Variants in CFAP47 observed in about 807,000 individuals in gnomAD.
CFAP47 encodes the protein cilia- and flagella-associated protein 47.
A neutral mutation model predicts 148.1 loss-of-function variants in CFAP47; 29 were observed. That is an observed-to-expected ratio of 0.20 (90% CI 0.15 to 0.27). CFAP47 has a LOEUF of 0.27. Among genes scored for constraint, CFAP47 ranks in the 10% least tolerant of loss-of-function variants. The pLI is 1.00. For synonymous variants in CFAP47, 664 were observed against 577.3 expected (o/e 1.15, Z -2.15); for missense variants, 1,872 against 1,697.5 (o/e 1.10, Z -1.81).
chrX:35,920,038 T>C lies in CFAP47; in HGVS notation c.239T>C (p.Val80Ala). The C allele has an allele frequency of 1.7e-6, 2 of 1,189,403 alleles. No individual in the cohort carries two copies. The change falls in exon 1 of 64, where the codon GTC (valine) becomes GCC (alanine). Residue 80 changes from valine (V) to alanine (A), a missense_variant. Val to Ala is a moderately conservative substitution (Grantham distance 64). Coordinates refer to ENST00000378653, the MANE Select transcript of CFAP47 (RefSeq NM_001304548.2). The stretch of plus-strand genomic sequence containing the variant: ...CAGAAAATCCGATTTAAGGAGCCCG[T>C]CAAGCCACAGGTGACACACTAAGGG... ...WNQKIRFKEP[V>A]KPQFKLMLTS...
intron 51 of CFAP47, among the ~76,000 whole-genome samples, chrX:36,290,556 C>T (rs1053639457): frequency 7.1e-5 from 8 of 112,226 alleles, no homozygotes; most frequent in African/African-American, 2.3e-4. Flanking sequence ...ATGCTCCGTT[C>T]TCCTGGGTGT....
At chrX:36,063,501 C>T (rs190421213) in intron 26 of CFAP47, among the ~76,000 whole-genome samples, 1 of 111,393 alleles carries the variant, frequency 9.0e-6, no homozygotes, top group East Asian at 2.8e-4. Context: ...CTATTTTTTA[C>T]CATGAGGAAC....
intron 13 of CFAP47, among the ~76,000 whole-genome samples, chrX:35,973,132 T>C (rs1293851790): frequency 8.9e-6 from 1 of 112,390 alleles, no homozygotes; most frequent in East Asian, 2.8e-4. Context: ...TAGAGAAATG[T>C]CTATGTATGT....
chrX:36,226,645 G>T (rs1389922342), intron 45 of CFAP47, among the ~76,000 whole-genome samples: 1 of 111,418 alleles, frequency 9.0e-6, no homozygotes, highest in Non-Finnish European at 1.9e-5. Context: ...AGAGAGAGGG[G>T]CTGACATTGT....
intron 26 of CFAP47, among the ~76,000 whole-genome samples, chrX:36,065,305 CCATT>C (rs1937627253): frequency 9.0e-6 from 1 of 110,843 alleles, no homozygotes; most frequent in East Asian, 2.8e-4. Flanking sequence ...AGGCTACATA[CCATT>C]TGTCAGGGAC....
chrX:36,025,531 C>G (rs764164962), intron 22 of CFAP47, among the ~76,000 whole-genome samples: 16 of 110,782 alleles, frequency 1.4e-4, no homozygotes, highest in African/African-American at 5.3e-4. Flanking sequence ...GACCCAGCTA[C>G]TCAGGAGGCT....
intron 40 of CFAP47, among the ~76,000 whole-genome samples, chrX:36,188,063 C>G (rs1363775657): frequency 9.0e-6 from 1 of 111,590 alleles, no homozygotes; most frequent in African/African-American, 3.3e-5. Context: ...TTCTGGAAGA[C>G]CTGGAACCTT....
intron 41 of CFAP47, among the ~76,000 whole-genome samples, chrX:36,189,793 C>T (rs1555986219): frequency 3.6e-5 from 4 of 112,069 alleles, no homozygotes; most frequent in Admixed American, 1.9e-4. Context: ...TTTCACATAT[C>T]CTGGCTAATT....
chrX:36,004,133 C>T (rs1936952953), intron 21 of CFAP47, among the ~76,000 whole-genome samples: 1 of 108,406 alleles, frequency 9.2e-6, no homozygotes, highest in South Asian at 4.1e-4. Context: ...CCACCACACC[C>T]GGCTAATTTT....
chrX:36,232,518 G>C (rs1395794532), intron 46 of CFAP47, among the ~76,000 whole-genome samples: 1 of 111,236 alleles, frequency 9.0e-6, no homozygotes, highest in African/African-American at 3.3e-5. Context: ...TTCTTTATTA[G>C]TCTTGCTAGT....
At chrX:36,118,569 A>T (rs764312416) in intron 33 of CFAP47, among the ~76,000 whole-genome samples, 1 of 110,530 alleles carries the variant, frequency 9.0e-6, no homozygotes, top group African/African-American at 3.3e-5. Flanking sequence ...TCCCGGGTTT[A>T]CACCATTCTC....
chrX:36,284,198 A>C (rs1278730174), intron 50 of CFAP47, among the ~76,000 whole-genome samples: 4 of 111,281 alleles, frequency 3.6e-5, no homozygotes, highest in African/African-American at 1.3e-4. Context: ...TGGTAACCTT[A>C]TTTTCTGCAC....
intron 33 of CFAP47, among the ~76,000 whole-genome samples, chrX:36,129,837 G>T (rs1938913130): frequency 9.0e-6 from 1 of 111,158 alleles, no homozygotes; most frequent in Non-Finnish European, 1.9e-5. Context: ...GCAAAATTAT[G>T]TATCTAGCAA....
chrX:36,345,986 A>T (rs6527555), intron 57 of CFAP47, among the ~76,000 whole-genome samples: 11,812 of 111,116 alleles, frequency 0.11, 522 homozygotes, highest in East Asian at 0.26. Context: ...AAATAATTTT[A>T]TTTGAGAAAA....
At chrX:36,280,671 A>G in intron 50 of CFAP47, 41 bp downstream of exon 50, 1 of 432,773 alleles carries the variant, frequency 2.3e-6, no homozygotes, top group Non-Finnish European at 4.1e-6. Flanking sequence ...AGTTTGCATA[A>G]ATCCAAATCA....
rs1359888000 is a variant in CFAP47 at position 36,001,681 on chromosome X, T to G, written c.3391T>G (p.Cys1131Gly). Residue 1131 changes from cysteine (C) to glycine (G), a missense_variant, in exon 21 of 64, where the codon TGT becomes GGT. By Grantham distance (159) the Cys-to-Gly change is radical. Coordinates refer to ENST00000378653, the MANE Select transcript of CFAP47 (RefSeq NM_001304548.2). The part of the protein sequence containing the change: ...LELEENTSLE[C>G]SITFSPKEVT... The stretch of plus-strand genomic sequence containing the variant: ...ATTAGAGGAAAATACATCTCTGGAA[T>G]GTAGCATAACATTTTCTCCCAAAGA... The G allele has an allele frequency of 1.0e-5, 3 of 294,742 alleles. No homozygotes were observed. The highest frequency in any genetic ancestry group is 1.8e-5 in the Non-Finnish European group (3 of 169,001). 24.3% of individuals were successfully genotyped at this position (294,742 alleles called of 1,213,427 possible).
chrX:36,053,023 A>G (rs908710182), intron 26 of CFAP47, among the ~76,000 whole-genome samples: 1 of 111,768 alleles, frequency 8.9e-6, no homozygotes. Context: ...GCACTTATTC[A>G]CTCAAGTTGG....
chrX:36,222,732 AGTAAT>A (rs1282559786), intron 45 of CFAP47, among the ~76,000 whole-genome samples: 1 of 110,937 alleles, frequency 9.0e-6, no homozygotes, highest in East Asian at 2.8e-4. Context: ...AAGAGGAAAT[AGTAAT>A]GAACAGTTTT....
chrX:35,974,431 T>C (rs776740292), intron 13 of CFAP47, among the ~76,000 whole-genome samples: 2 of 111,220 alleles, frequency 1.8e-5, no homozygotes, highest in African/African-American at 3.3e-5. Context: ...AAGGTGGCCA[T>C]GAGGGAGATG....
Sources: gnomAD v4.1 joint callset for allele counts (sites outside exome capture counted in the v4.1 genomes callset) on GRCh38, gnomAD v4.1.1 for gene constraint, MANE v1.5 for transcripts, NCBI Gene and HGNC (gene_info 2026-07-23, HGNC 2026-07-21) for gene names.